The following C3orf33 variants were observed in gnomAD, a reference collection of about 807,000 sequenced individuals.
C3orf33 encodes the protein mitochondrial inner membrane subdomain organizer 1, also known as AP-1 activity suppressor.
A neutral mutation model predicts 28.7 loss-of-function variants in C3orf33; 23 were observed. That is an observed-to-expected ratio of 0.80 (90% CI 0.58 to 1.13). C3orf33 has a LOEUF of 1.13. C3orf33 is among the 50% of genes most tolerant of loss of function. The pLI is 0.00. For synonymous variants in C3orf33, 119 were observed against 120.5 expected (o/e 0.99, Z 0.08); for missense variants, 327 against 353.4 (o/e 0.93, Z 0.60).
intron 2 of C3orf33, among the ~76,000 whole-genome samples, chr3:155,798,435 G>A (rs964820869): frequency 1.3e-5 from 2 of 152,076 alleles, no homozygotes; most frequent in Non-Finnish European, 2.9e-5. Context: ...TAGACCAATG[G>A]AACAGAATAG....
At chr3:155,794,377 T>C (rs1319727565) in intron 2 of C3orf33, among the ~76,000 whole-genome samples, 2 of 151,456 alleles carry the variant, frequency 1.3e-5, no homozygotes, top group Non-Finnish European at 2.9e-5. Flanking sequence ...TCAAAGAACA[T>C]ATAACTGATA....
chr3:155,794,463 G>A (rs1751422486), intron 2 of C3orf33, among the ~76,000 whole-genome samples: 2 of 151,252 alleles, frequency 1.3e-5, no homozygotes, highest in African/African-American at 4.9e-5. Flanking sequence ...TAGGAAGGAT[G>A]GAAAAAAGGA....
chr3:155,779,430 G>A (rs1312865876), intron 2 of C3orf33, among the ~76,000 whole-genome samples: 1 of 152,074 alleles, frequency 6.6e-6, no homozygotes, highest in Non-Finnish European at 1.5e-5. Context: ...GAGTAGCTGG[G>A]ATTACAGGCA....
chr3:155,787,519 G>A lies in C3orf33; in HGVS notation c.175-11671C>T, dbSNP rs144695398. On this transcript the variant is annotated intron_variant, in intron 2 of 4. Transcript: ENST00000340171. Reference sequence around the variant, plus strand: ...GGTGCACGCTGCCATGCCCAGCTAAGTTTTTGTATTTTAGTAGAGACGGGG... The same window carrying A: ...GGTGCACGCTGCCATGCCCAGCTAAATTTTTGTATTTTAGTAGAGACGGGG... 4.0e-3 allele frequency among the ~76,000 whole-genome samples: 613 copies of A among 151,538 alleles called. 5 individuals are homozygous for A. Among genetic ancestry groups the A allele is most frequent in the African/African-American group, 0.014 (569 of 41,372 alleles).
intron 2 of C3orf33, among the ~76,000 whole-genome samples, chr3:155,797,821 A>C (rs1751523468): frequency 6.6e-6 from 1 of 152,228 alleles, no homozygotes; most frequent in Non-Finnish European, 1.5e-5. Context: ...CTGTAATCCC[A>C]GCACTTTGGG....
chr3:155,781,682 T>C (rs1467264410), intron 2 of C3orf33, among the ~76,000 whole-genome samples: 10 of 136,998 alleles, frequency 7.3e-5, no homozygotes, highest in Middle Eastern at 4.5e-3. Flanking sequence ...GGCAGGAGAA[T>C]TGTTTGAACC....
intron 2 of C3orf33, among the ~76,000 whole-genome samples, chr3:155,781,762 C>CT (rs1219337232): frequency 2.1e-5 from 2 of 94,150 alleles, no homozygotes; most frequent in Non-Finnish European, 3.9e-5. Flanking sequence ...GAGTGAGACT[C>CT]TATCTCAAAA....
At chr3:155,790,432 A>T (rs530347818) in intron 2 of C3orf33, among the ~76,000 whole-genome samples, 2 of 152,222 alleles carry the variant, frequency 1.3e-5, no homozygotes, top group East Asian at 1.9e-4. Flanking sequence ...AAAAAGAAAA[A>T]CAGGGCAGAG....
Position 155,767,516 on chromosome 3 carries a change from A to G in C3orf33, c.476T>C (p.Val159Ala). 6.4e-7 allele frequency: 1 copy of G among 1,559,778 alleles called. No homozygotes were observed. Among genetic ancestry groups the G allele is most frequent in the Non-Finnish European group, 8.7e-7 (1 of 1,146,666 alleles). The change falls in exon 4 of 5, where the codon GTG becomes GCG. Residue 159 changes from valine (V) to alanine (A), a missense_variant. Physicochemically the swap from Val to Ala is moderately conservative, Grantham distance 64. Coordinates refer to ENST00000340171, the MANE Select transcript of C3orf33 (RefSeq NM_001308229.2). ...ENSALFCYLLVSKGGYFSVNL... is the reference protein window; with the variant it reads ...ENSALFCYLLASKGGYFSVNL... ...TTTCTTCACATTGCTTACCTTACTC[A>G]CCAGAAGATAGCAAAAGAGTGCTGA... is the stretch of plus-strand genomic sequence containing the variant.
intron 2 of C3orf33, among the ~76,000 whole-genome samples, chr3:155,798,374 T>C (rs1266699277): frequency 6.6e-6 from 1 of 152,106 alleles, no homozygotes; most frequent in Non-Finnish European, 1.5e-5. Context: ...CTTCAAATTA[T>C]AAGAGCTATA....
chr3:155,790,227 G>GA (rs796923838), intron 2 of C3orf33, among the ~76,000 whole-genome samples: 11,704 of 65,738 alleles, frequency 0.18, 765 homozygotes, highest in Middle Eastern at 0.31. Flanking sequence ...ATGCAAAAAA[G>GA]AAAAAAAAAA....
At chr3:155,786,463 TAA>T (rs1415597768) in intron 2 of C3orf33, among the ~76,000 whole-genome samples, 1 of 152,070 alleles carries the variant, frequency 6.6e-6, no homozygotes, top group Admixed American at 6.6e-5. Flanking sequence ...AAAAGAACTA[TAA>T]AAGAGTACTA....
intron 2 of C3orf33, among the ~76,000 whole-genome samples, chr3:155,792,393 T>G (rs1056381407): frequency 2.0e-5 from 3 of 152,004 alleles, no homozygotes; most frequent in African/African-American, 7.3e-5. Context: ...CTATGAAGAC[T>G]ATAATAAATA....
At chr3:155,791,403 G>A (rs978972745) in intron 2 of C3orf33, among the ~76,000 whole-genome samples, 1 of 152,184 alleles carries the variant, frequency 6.6e-6, no homozygotes, top group African/African-American at 2.4e-5. Flanking sequence ...ATTACCAGCT[G>A]TGATGGCTAT....
At chr3:155,765,996 A>C (rs187750490) in intron 4 of C3orf33, among the ~76,000 whole-genome samples, 353 of 152,366 alleles carry the variant, frequency 2.3e-3, no homozygotes, top group Non-Finnish European at 4.0e-3. Context: ...TATTTCAAAA[A>C]GCTTTTAAGA....
chr3:155,786,033 G>GAAAGGAAAGGAAAAAGGA (rs569440912), intron 2 of C3orf33, among the ~76,000 whole-genome samples: 20 of 142,496 alleles, frequency 1.4e-4, no homozygotes, highest in South Asian at 2.2e-4. Flanking sequence ...AAGGAAAAGG[G>GAAAGGAAAGGAAAAAGGA]AAAGGAAAGG....
rs755877529 is a variant in C3orf33 at position 155,775,688 on chromosome 3, G to A, written c.322+13C>T. 2 of 1,487,062 alleles carry A rather than the reference G, an allele frequency of 1.3e-6. No homozygotes were observed. Among genetic ancestry groups the A allele is most frequent in the South Asian group, 2.5e-5 (2 of 79,790 alleles). The allele number at this position is 1,487,062 out of a possible 1,614,324, so 92.1% of individuals were successfully genotyped here. A position where few individuals can be genotyped will look rare whatever the true frequency, so the allele number is the denominator to read the frequency against. ...CACAATAGTTAGTTTCATTAATCTT[G>A]TACCTTACTTACTTCTCAATGAAGC... On this transcript the variant is annotated intron_variant, in intron 3 of 4. Coordinates refer to ENST00000340171, the MANE Select transcript of C3orf33 (RefSeq NM_001308229.2).
At position 155,785,124 on chromosome 3, in the gene C3orf33, G is replaced by GA. The variant is rs987068470; in HGVS notation, c.175-9277dup. Among the ~76,000 whole-genome samples, 9 of 150,112 alleles carry GA rather than the reference G, an allele frequency of 6.0e-5. No individual in the cohort carries two copies. In the East Asian group the frequency reaches 1.4e-3, roughly 23 times the overall value. On this transcript the variant is annotated intron_variant, in intron 2 of 4. Coordinates refer to ENST00000340171, the MANE Select transcript of C3orf33 (RefSeq NM_001308229.2). ...CTTTAAATCAAAAAAAGTTACAACA[G>GA]AAAAAAAAGGACATTATATATTAAT...
At chr3:155,769,485 CAAAAAAAA>C (rs59639224) in intron 3 of C3orf33, among the ~76,000 whole-genome samples, 136 of 84,356 alleles carry the variant, frequency 1.6e-3, no homozygotes, top group African/African-American at 5.2e-3. Flanking sequence ...GAGACTGTTT[CAAAAAAAA>C]AAAAAAAAAA....
Sources: allele counts gnomAD v4.1 joint callset (sites outside exome capture counted in the v4.1 genomes callset), GRCh38; gene constraint gnomAD v4.1.1; transcripts MANE v1.5; gene names NCBI Gene and HGNC (gene_info 2026-07-23, HGNC 2026-07-21).